Variants in SMARCC1 observed in about 807,000 individuals in gnomAD.
The protein encoded by SMARCC1 is SWI/SNF related BAF chromatin remodeling complex subunit C1.
A neutral mutation model predicts 147.4 loss-of-function variants in SMARCC1; 43 were observed. The ratio of observed to expected loss-of-function variants is 0.29; its 90% CI spans 0.23 to 0.38. The LOEUF (loss-of-function observed/expected upper bound fraction) is 0.38. Among genes scored for constraint, SMARCC1 ranks in the 10% least tolerant of loss-of-function variants. The pLI, the probability that SMARCC1 is intolerant of heterozygous loss-of-function variation, is 1.00. For synonymous variants in SMARCC1, 495 were observed against 484.4 expected (o/e 1.02, Z -0.29); for missense variants, 1,119 against 1,381.1 (o/e 0.81, Z 3.01).
In SMARCC1 at chr3:47,662,935, G is replaced by C. The variant is rs547635435; in HGVS notation, c.1900-343C>G. 9.9e-5 allele frequency among the ~76,000 whole-genome samples: 15 copies of C among 150,904 alleles called. No individual in the cohort carries two copies. The East Asian group carries it at 2.7e-3, about 27-fold the overall frequency. ...TACTAAAAATACAAAAATTAGCTGG[G>C]CATGGTGGTGCGTGCCTGTAATCCC... On this transcript the variant is annotated intron_variant, in intron 19 of 27. Coordinates refer to ENST00000254480, the MANE Select transcript of SMARCC1 (RefSeq NM_003074.4).
At chr3:47,753,383 T>C (rs2034650380) in intron 2 of SMARCC1, among the ~76,000 whole-genome samples, 1 of 150,206 alleles carries the variant, frequency 6.7e-6, no homozygotes, top group Non-Finnish European at 1.5e-5. Context: ...ATTTGTGCCA[T>C]GGATTCCTTA....
At chr3:47,672,952 T>C (rs924910748) in intron 18 of SMARCC1, among the ~76,000 whole-genome samples, 1 of 151,940 alleles carries the variant, frequency 6.6e-6, no homozygotes, top group Non-Finnish European at 1.5e-5. Context: ...CTAGTTTCAG[T>C]ATTTTTTTTT....
intron 27 of SMARCC1, 80 bp downstream of exon 27, chr3:47,590,581 G>A: frequency 2.4e-6 from 3 of 1,257,832 alleles, no homozygotes; most frequent in Non-Finnish European, 3.2e-6. Flanking sequence ...ATCTCGGGGA[G>A]AGAACAAAGC....
chr3:47,710,989 T>G (rs563007438), intron 8 of SMARCC1, among the ~76,000 whole-genome samples, 181 bp from the exon 9 acceptor site: 3 of 152,342 alleles, frequency 2.0e-5, no homozygotes, highest in South Asian at 4.1e-4. Context: ...TATTCCATAT[T>G]AAAGAGAACA....
intron 21 of SMARCC1, among the ~76,000 whole-genome samples, chr3:47,660,854 T>C (rs983168995): frequency 6.6e-6 from 1 of 152,204 alleles, no homozygotes; most frequent in African/African-American, 2.4e-5. Context: ...CTAGGTTATA[T>C]ACTTTTAAGC....
At chr3:47,607,567 C>G (rs2032496645) in intron 26 of SMARCC1, among the ~76,000 whole-genome samples, 1 of 152,134 alleles carries the variant, frequency 6.6e-6, no homozygotes, top group East Asian at 1.9e-4. Context: ...ATATATTGCC[C>G]TCTAAGAAGA....
intron 7 of SMARCC1, among the ~76,000 whole-genome samples, chr3:47,718,981 C>T (rs939995979): frequency 3.9e-5 from 6 of 152,074 alleles, no homozygotes; most frequent in Non-Finnish European, 8.8e-5. Flanking sequence ...GGCGCAATCT[C>T]GGCTCACGGC....
Position 47,746,006 on chromosome 3 carries a change from C to T in SMARCC1, c.316-13G>A. ...TGAAACACTTTGCCTAAAAATGATA[C>T]AAATTACACATGAGAAAAATAAAGC... On this transcript the variant is annotated splice_polypyrimidine_tract_variant and intron_variant, in intron 2 of 27. Coordinates refer to ENST00000254480, the MANE Select transcript of SMARCC1 (RefSeq NM_003074.4). The T allele has an allele frequency of 6.6e-7, 1 of 1,516,778 alleles. No homozygotes were observed. Among genetic ancestry groups the T allele is most frequent in the Admixed American group, 2.3e-5 (1 of 43,948 alleles). 94.0% of individuals were successfully genotyped at this position (1,516,778 alleles called of 1,614,324 possible).
chr3:47,622,717 G>GGGCA (rs1425147123), intron 24 of SMARCC1, among the ~76,000 whole-genome samples: 2 of 152,106 alleles, frequency 1.3e-5, no homozygotes, highest in African/African-American at 4.8e-5. Flanking sequence ...TTCTAGGGGT[G>GGGCA]GGCAGGCAGG....
At chr3:47,645,798 T>C (rs2033113626) in intron 21 of SMARCC1, among the ~76,000 whole-genome samples, 1 of 152,194 alleles carries the variant, frequency 6.6e-6, no homozygotes, top group African/African-American at 2.4e-5. Context: ...CCACTTTCTG[T>C]ATTGGTAAGG....
At chr3:47,599,163 G>C (rs919840939) in intron 26 of SMARCC1, among the ~76,000 whole-genome samples, 1 of 152,136 alleles carries the variant, frequency 6.6e-6, no homozygotes, top group African/African-American at 2.4e-5. Context: ...GAGGAGGGCG[G>C]ATCACCTGAG....
At chr3:47,621,471 A>G (rs1284442688) in intron 25 of SMARCC1, among the ~76,000 whole-genome samples, 1 of 152,246 alleles carries the variant, frequency 6.6e-6, no homozygotes, top group Non-Finnish European at 1.5e-5. Flanking sequence ...AATACTACAC[A>G]GCAATAAAAA....
At chr3:47,694,883 AAGGGGTT>A (rs2033829462) in intron 11 of SMARCC1, among the ~76,000 whole-genome samples, 3 of 152,206 alleles carry the variant, frequency 2.0e-5, no homozygotes, top group African/African-American at 7.2e-5. Flanking sequence ...AATTTAGTCT[AAGGGGTT>A]CAGATTCTTT....
At chr3:47,699,692 C>T (rs1203732674) in intron 11 of SMARCC1, among the ~76,000 whole-genome samples, 1 of 151,926 alleles carries the variant, frequency 6.6e-6, no homozygotes, top group Non-Finnish European at 1.5e-5. Flanking sequence ...ACACCCAGTG[C>T]CCATCTTAAT....
intron 22 of SMARCC1, among the ~76,000 whole-genome samples, chr3:47,637,711 C>A (rs1345910174): frequency 2.2e-4 from 31 of 143,694 alleles, no homozygotes; most frequent in South Asian, 2.3e-4. Context: ...GACTCTGTCT[C>A]AAAAAAAAAA....
At chr3:47,742,689 C>T (rs1013766654) in intron 3 of SMARCC1, among the ~76,000 whole-genome samples, 6 of 152,098 alleles carry the variant, frequency 3.9e-5, no homozygotes, top group Non-Finnish European at 7.4e-5. Flanking sequence ...CTCAAGTGAT[C>T]CTCCCACCTC....
At chr3:47,769,440 G>T (rs2034881687) in intron 2 of SMARCC1, among the ~76,000 whole-genome samples, 1 of 151,620 alleles carries the variant, frequency 6.6e-6, no homozygotes, top group South Asian at 2.1e-4. Context: ...TGTTAGCCAG[G>T]ATGGTCTCGA....
chr3:47,706,974 T>C (rs1234348996), intron 9 of SMARCC1, among the ~76,000 whole-genome samples: 1 of 152,170 alleles, frequency 6.6e-6, no homozygotes, highest in Non-Finnish European at 1.5e-5. Context: ...GAAGATAACT[T>C]CATGTCATAA....
At position 47,678,260 on chromosome 3, in the gene SMARCC1, T is replaced by A. The variant is rs1054911211; in HGVS notation, c.1509A>T (p.Gln503His). 27 of 1,608,240 alleles carry A rather than the reference T, an allele frequency of 1.7e-5. No individual in the cohort carries two copies. The highest frequency in any genetic ancestry group is 2.2e-5 in the Non-Finnish European group (26 of 1,177,666). Residue 503 changes from glutamine to histidine, a missense_variant, in exon 16 of 28, where the codon CAA becomes CAT. Gln to His is a conservative substitution (Grantham distance 24). Around this residue, in one of 6 missense-constraint regions of SMARCC1, gnomAD observed 14 missense variants for 40.3 expected, o/e 0.35. Transcript: ENST00000254480. Reference protein sequence around the residue: ...FMIDTYRLNPQEYLTSTACRR... With the variant: ...FMIDTYRLNPHEYLTSTACRR... The stretch of plus-strand genomic sequence containing the variant: ...GACAAGCAGTGCTAGTTAAATACTC[T>A]TGGGGGTTTAGACGATACGTGTCAA...
Sources: allele counts gnomAD v4.1 joint callset (sites outside exome capture counted in the v4.1 genomes callset), GRCh38; gene constraint gnomAD v4.1.1; regional missense constraint gnomAD v4.1.1; transcripts MANE v1.5; gene names NCBI Gene and HGNC (gene_info 2026-07-23, HGNC 2026-07-21).